The following WASF2 variants were observed in gnomAD, a reference collection of about 807,000 sequenced individuals.
WASF2 encodes actin-binding protein WASF2.
WASF2 carries 14 observed loss-of-function variants against 45.0 expected under a neutral mutation model. The observed-to-expected ratio is 0.31, with a 90% CI of 0.21 to 0.49. The LOEUF is 0.49. WASF2 is among the 20% of genes least tolerant of loss of function. The pLI is 0.99. For missense variants in WASF2, 439 were observed against 636.1 expected (o/e 0.69, Z 3.33); for synonymous variants, 200 against 236.3 (o/e 0.85, Z 1.41).
At position 27,418,353 on chromosome 1, in the gene WASF2, T is replaced by C. The variant is rs2016854418; in HGVS notation, c.335A>G (p.Asp112Gly). The C allele has an allele frequency of 6.2e-7, 1 of 1,614,242 alleles. No homozygotes were observed. Reference sequence around the variant, plus strand: ...GACAGGCACTGGGAGAGAGTTTCTGTCAAAAAGCTTCTGGTCTTGAATGGT... The same window carrying C: ...GACAGGCACTGGGAGAGAGTTTCTGCCAAAAAGCTTCTGGTCTTGAATGGT... Reference protein sequence around the residue: ...SSTIQDQKLFDRNSLPVPVLE... With the variant: ...SSTIQDQKLFGRNSLPVPVLE... Residue 112 changes from aspartate (D) to glycine (G), a missense_variant, in exon 4 of 9, where the codon GAC becomes GGC. This residue lies in a region of WASF2 where 98 missense variants were observed against 120.7 expected (regional missense o/e 0.81). Transcript: ENST00000618852.
At chr1:27,452,918 G>C (rs1403535798) in intron 1 of WASF2, among the ~76,000 whole-genome samples, 4 of 150,646 alleles carry the variant, frequency 2.7e-5, no homozygotes, top group African/African-American at 7.3e-5. Flanking sequence ...TGTTTAAGAA[G>C]AATATTGCCA....
intron 1 of WASF2, among the ~76,000 whole-genome samples, chr1:27,469,240 C>CTCA (rs2017658094): frequency 6.6e-6 from 1 of 152,174 alleles, no homozygotes; most frequent in African/African-American, 2.4e-5. Context: ...TGAAACAAGA[C>CTCA]TGACCATGAG....
At chr1:27,465,185 A>T (rs1269823463) in intron 1 of WASF2, among the ~76,000 whole-genome samples, 1 of 152,190 alleles carries the variant, frequency 6.6e-6, no homozygotes, top group Non-Finnish European at 1.5e-5. Flanking sequence ...CACTTTATTA[A>T]TATAGACTCC....
At chr1:27,421,894 T>C (rs576983600) in intron 2 of WASF2, among the ~76,000 whole-genome samples, 2 of 152,060 alleles carry the variant, frequency 1.3e-5, no homozygotes, top group East Asian at 3.9e-4. Context: ...GAGAATCACT[T>C]GAACTTGGGA....
rs1295303462 is a variant in WASF2, at chr1:27,477,815, C to T, written c.-44+12171G>A. 2.4e-4 allele frequency among the ~76,000 whole-genome samples: 29 copies of T among 119,944 alleles called. 1 individual carries two copies. Among genetic ancestry groups the T allele is most frequent in the Non-Finnish European group, 4.2e-4 (26 of 61,382 alleles). The allele number at this position is 119,944 out of a possible 152,430, so 78.7% of individuals were successfully genotyped here. A position where few individuals can be genotyped will look rare whatever the true frequency, so the allele number is the denominator to read the frequency against. ...TTGGGAGGCTGAGGCAGGAGAATGG[C>T]GTGAACCCGGGAGGCGGAGCTTGCA... On this transcript the variant is annotated intron_variant, in intron 1 of 8. Coordinates refer to ENST00000618852, the MANE Select transcript of WASF2 (RefSeq NM_006990.5).
intron 2 of WASF2, among the ~76,000 whole-genome samples, chr1:27,425,341 G>C (rs1040411458): frequency 3.9e-5 from 6 of 152,162 alleles, no homozygotes; most frequent in African/African-American, 1.4e-4. Context: ...TTGTGTCTCA[G>C]CCTCCTAGAG....
chr1:27,473,514 T>C (rs568107774), intron 1 of WASF2, among the ~76,000 whole-genome samples: 2 of 135,194 alleles, frequency 1.5e-5, no homozygotes, highest in East Asian at 4.3e-4. Context: ...ATGGAAAAAA[T>C]TGTAACAGAG....
At chr1:27,472,593 G>A (rs906528018) in intron 1 of WASF2, among the ~76,000 whole-genome samples, 10 of 136,110 alleles carry the variant, frequency 7.3e-5, no homozygotes, top group Non-Finnish European at 1.5e-4. Context: ...GAGATTTCAC[G>A]ACTGCACTCC....
At chr1:27,413,590 G>A (rs953097157) in intron 6 of WASF2, among the ~76,000 whole-genome samples, 4 of 152,130 alleles carry the variant, frequency 2.6e-5, no homozygotes, top group Non-Finnish European at 5.9e-5. Flanking sequence ...GCCTTGGCAC[G>A]TCTCTTTATA....
chr1:27,449,859 A>AT (rs1439457819), intron 1 of WASF2, among the ~76,000 whole-genome samples: 2 of 151,838 alleles, frequency 1.3e-5, no homozygotes, highest in Non-Finnish European at 2.9e-5. Flanking sequence ...GTTGAAAATT[A>AT]TTGGCTGGGC....
intron 1 of WASF2, among the ~76,000 whole-genome samples, chr1:27,473,096 C>A (rs577153242): frequency 6.6e-6 from 1 of 151,586 alleles, no homozygotes; most frequent in Non-Finnish European, 1.5e-5. Flanking sequence ...TATCTGATAA[C>A]CTGTATCCGG....
intron 1 of WASF2, among the ~76,000 whole-genome samples, chr1:27,480,628 C>T (rs1261654181): frequency 6.6e-6 from 1 of 152,096 alleles, no homozygotes; most frequent in Non-Finnish European, 1.5e-5. Context: ...GGTTTCAAAT[C>T]AAAATACTTG....
At chr1:27,461,675 C>T (rs746641820) in intron 1 of WASF2, among the ~76,000 whole-genome samples, 3 of 151,964 alleles carry the variant, frequency 2.0e-5, no homozygotes, top group East Asian at 3.9e-4. Flanking sequence ...GGGGTTTCAC[C>T]GTGTTAGCCA....
chr1:27,443,838 G>C (rs548739632), intron 1 of WASF2, among the ~76,000 whole-genome samples: 1 of 151,884 alleles, frequency 6.6e-6, no homozygotes, highest in African/African-American at 2.4e-5. Context: ...GAGTGCAGGG[G>C]GGGGTGATCT....
chr1:27,428,406 C>T (rs1292377030), intron 2 of WASF2, among the ~76,000 whole-genome samples: 3 of 152,184 alleles, frequency 2.0e-5, no homozygotes, highest in African/African-American at 7.2e-5. Flanking sequence ...GCACATTCCC[C>T]GACCCAAGAT....
At chr1:27,460,306 A>G (rs190132193) in intron 1 of WASF2, among the ~76,000 whole-genome samples, 1 of 152,230 alleles carries the variant, frequency 6.6e-6, no homozygotes, top group East Asian at 1.9e-4. Flanking sequence ...GACAAAGAAT[A>G]TTTCCTGAGT....
At chr1:27,416,128 C>T (rs1414145130) in intron 4 of WASF2, 26 bp from the exon 5 acceptor site, 1 of 1,597,790 alleles carries the variant, frequency 6.3e-7, no homozygotes, top group East Asian at 2.2e-5. Flanking sequence ...AGACAAGTAG[C>T]TGTCAGTAGA....
At chr1:27,419,121 C>A in intron 2 of WASF2, 33 bp from the exon 3 acceptor site, 3 of 1,608,892 alleles carry the variant, frequency 1.9e-6, no homozygotes, top group Non-Finnish European at 2.6e-6. Context: ...GTCACTAGTG[C>A]ATAGAAGTAA....
rs758275705 is a variant in WASF2 at position 27,477,916 on chromosome 1, AAAT to A, written c.-44+12067_-44+12069del. Among the ~76,000 whole-genome samples, 7 of 140,526 alleles carry A rather than the reference AAAT, an allele frequency of 5.0e-5. 2 individuals carry two copies. Among genetic ancestry groups the A allele is most frequent in the African/African-American group, 2.1e-4 (7 of 33,060 alleles). The allele number at this position is 140,526 out of a possible 152,430, so 92.2% of individuals were successfully genotyped here. ...TCCGTCTCAAAAAAAAAAAATAAAT[AAAT>A]AAAAAAAAAAATAAAAATAAATAAA... On this transcript the variant is annotated intron_variant, in intron 1 of 8. Coordinates refer to ENST00000618852, the MANE Select transcript of WASF2 (RefSeq NM_006990.5).
Sources: allele counts gnomAD v4.1 joint callset (sites outside exome capture counted in the v4.1 genomes callset), GRCh38; gene constraint gnomAD v4.1.1; regional missense constraint gnomAD v4.1.1; transcripts MANE v1.5; gene names NCBI Gene and HGNC (gene_info 2026-07-23, HGNC 2026-07-21).